SPATA17: variants seen among roughly 807,000 people sequenced by gnomAD.
SPATA17 encodes the protein spermatogenesis-associated protein 17.
A neutral mutation model predicts 62.2 loss-of-function variants in SPATA17; 53 were observed. That is an observed-to-expected ratio of 0.85 (90% CI 0.68 to 1.07). The LOEUF (loss-of-function observed/expected upper bound fraction) is 1.07, where lower values mean the gene tolerates loss of function less well. Among genes scored for constraint, SPATA17 ranks in the 50% least tolerant of loss-of-function variants. The probability of loss-of-function intolerance (pLI) is 0.00; values close to 1 mark genes in which losing one functional copy is unlikely to be tolerated. For synonymous variants in SPATA17, 146 were observed against 146.8 expected, an observed-to-expected ratio of 0.99 and a Z score of 0.04; for missense variants, 466 against 425.5, an observed-to-expected ratio of 1.10 and a Z score of -0.84.
chr1:217,823,296 C>G (rs1674912341), intron 9 of SPATA17, among the ~76,000 whole-genome samples: 1 of 151,946 alleles, frequency 6.6e-6, no homozygotes, highest in Non-Finnish European at 1.5e-5. Flanking sequence ...CTTTCCTGCC[C>G]TTTACTCAGT....
At position 217,804,480 on chromosome 1, in the gene SPATA17, G is replaced by C. The variant is rs183736557; in HGVS notation, c.1005+2630G>C. On this transcript the variant is annotated intron_variant, in intron 9 of 10. Transcript: ENST00000366933. ...AAAAAGCTTCTTGACATTGGTCTAAGCAATTATTTTTTGGATATGACCCCA... is the reference window on the plus strand; with the variant it reads ...AAAAAGCTTCTTGACATTGGTCTAACCAATTATTTTTTGGATATGACCCCA... Among the ~76,000 whole-genome samples the C allele has an allele frequency of 2.6e-5, 4 of 152,248 alleles. No individual in the cohort carries two copies. In the East Asian group the frequency reaches 7.7e-4, roughly 29 times the overall value.
At chr1:217,863,595 A>G (rs1486514960) in intron 10 of SPATA17, among the ~76,000 whole-genome samples, 1 of 152,186 alleles carries the variant, frequency 6.6e-6, no homozygotes, top group African/African-American at 2.4e-5. Context: ...GTGTCTTACA[A>G]TACCAAAGAA....
Position 217,687,470 on chromosome 1 carries a change from C to T in SPATA17, c.395+4109C>T, listed in dbSNP as rs528952612. ...CACATAATGATGTTTTGGTCAATGA[C>T]GTACGACATTTATGACAGTGGTCCT... On this transcript the variant is annotated intron_variant, in intron 5 of 10. Coordinates refer to ENST00000366933, the MANE Select transcript of SPATA17 (RefSeq NM_138796.4). 2.0e-4 allele frequency among the ~76,000 whole-genome samples: 30 copies of T among 152,244 alleles called. No homozygotes were observed. In the South Asian group the frequency reaches 3.9e-3, roughly 20 times the overall value.
intron 3 of SPATA17, among the ~76,000 whole-genome samples, chr1:217,662,828 C>T (rs1670599287): frequency 6.6e-6 from 1 of 152,004 alleles, no homozygotes; most frequent in Admixed American, 6.6e-5. Flanking sequence ...TGAGAAAATG[C>T]CCAATATTTT....
chr1:217,744,925 C>T (rs533559328), intron 6 of SPATA17, among the ~76,000 whole-genome samples: 1 of 152,270 alleles, frequency 6.6e-6, no homozygotes, highest in East Asian at 1.9e-4. Context: ...CCAGACCCTT[C>T]GAGGGCATTC....
chr1:217,855,194 G>A, intron 9 of SPATA17, among the ~76,000 whole-genome samples: 1 of 152,286 alleles, frequency 6.6e-6, no homozygotes, highest in East Asian at 1.9e-4. Context: ...CGTTTTTGCA[G>A]CATATTTTCC....
At chr1:217,838,785 C>G (rs1314899172) in intron 9 of SPATA17, among the ~76,000 whole-genome samples, 1 of 151,958 alleles carries the variant, frequency 6.6e-6, no homozygotes, top group Admixed American at 6.6e-5. Context: ...TTCTATATTT[C>G]TAAATATGTA....
intron 4 of SPATA17, among the ~76,000 whole-genome samples, chr1:217,676,569 C>A (rs1670950293): frequency 6.6e-6 from 1 of 152,086 alleles, no homozygotes; most frequent in African/African-American, 2.4e-5. Context: ...ATAACCTAAA[C>A]ATAATGGGGA....
At chr1:217,638,491 T>C (rs1669986807) in intron 1 of SPATA17, among the ~76,000 whole-genome samples, 2 of 152,164 alleles carry the variant, frequency 1.3e-5, no homozygotes, top group South Asian at 4.1e-4. Flanking sequence ...TGTTCACTGC[T>C]GGCTCATTGA....
chr1:217,680,579 A>C (rs1321546367), intron 4 of SPATA17, among the ~76,000 whole-genome samples: 2 of 152,140 alleles, frequency 1.3e-5, no homozygotes, highest in Non-Finnish European at 2.9e-5. Flanking sequence ...TTTGAAAGAC[A>C]CTTTGAATAC....
chr1:217,759,983 A>G (rs1673133047), intron 6 of SPATA17, among the ~76,000 whole-genome samples: 1 of 152,204 alleles, frequency 6.6e-6, no homozygotes. Flanking sequence ...CGAAAGTACA[A>G]AGGAAGAACT....
At chr1:217,632,265 TATTA>T (rs1669813967) in intron 1 of SPATA17, among the ~76,000 whole-genome samples, 1 of 152,160 alleles carries the variant, frequency 6.6e-6, no homozygotes, top group African/African-American at 2.4e-5. Flanking sequence ...AGTACCAATA[TATTA>T]ATTAATAGAT....
intron 5 of SPATA17, among the ~76,000 whole-genome samples, chr1:217,733,788 G>A (rs567562762): frequency 2.0e-5 from 3 of 152,166 alleles, no homozygotes; most frequent in South Asian, 4.2e-4. Flanking sequence ...TTTAATGAGA[G>A]GACCTTTCTG....
chr1:217,721,314 T>C (rs1672122182), intron 5 of SPATA17, among the ~76,000 whole-genome samples: 1 of 152,164 alleles, frequency 6.6e-6, no homozygotes, highest in African/African-American at 2.4e-5. Flanking sequence ...GGGCTTATGT[T>C]ACTGGTGGCT....
intron 5 of SPATA17, among the ~76,000 whole-genome samples, chr1:217,690,837 G>A (rs1297162466): frequency 1.4e-5 from 2 of 141,306 alleles, no homozygotes; most frequent in East Asian, 2.0e-4. Context: ...TTTTATGGCT[G>A]CATAGTATTC....
chr1:217,769,507 C>A lies in SPATA17; in HGVS notation c.520-4827C>A, dbSNP rs534975774. Among the ~76,000 whole-genome samples, 5 of 152,328 alleles carry A rather than the reference C, an allele frequency of 3.3e-5. No individual in the cohort carries two copies. The East Asian group carries it at 9.7e-4, about 29-fold the overall frequency. The stretch of plus-strand genomic sequence containing the variant: ...CCTCATGATCTTGGCTGAAATGCCC[C>A]TTTTGATGGTGTTCTTTAGGGCTGG... On this transcript the variant is annotated intron_variant, in intron 6 of 10. Transcript: ENST00000366933.
chr1:217,846,541 T>A (rs1423019654), intron 9 of SPATA17, among the ~76,000 whole-genome samples: 1 of 152,066 alleles, frequency 6.6e-6, no homozygotes, highest in Non-Finnish European at 1.5e-5. Context: ...TTCATTCCTT[T>A]CAAGCACTTT....
At chr1:217,862,952 C>T (rs1349415058) in intron 10 of SPATA17, 96 bp downstream of exon 10, 2 of 684,684 alleles carry the variant, frequency 2.9e-6, no homozygotes, top group Non-Finnish European at 4.8e-6. Flanking sequence ...TTTTAAAAAC[C>T]ATGCTATAAT....
intron 5 of SPATA17, among the ~76,000 whole-genome samples, chr1:217,730,693 G>A (rs888339997): frequency 3.4e-4 from 51 of 152,156 alleles, no homozygotes; most frequent in African/African-American, 1.1e-3. Flanking sequence ...TTAGCCTTAC[G>A]GTTGTCCAGC....
Sources: allele counts gnomAD v4.1 joint callset (sites outside exome capture counted in the v4.1 genomes callset), GRCh38; gene constraint gnomAD v4.1.1; transcripts MANE v1.5; gene names NCBI Gene and HGNC (gene_info 2026-07-23, HGNC 2026-07-21).